Variants in SLAMF9 observed in about 807,000 individuals in gnomAD.
SLAMF9 encodes the protein SLAM family member 9, also known as CD2 family member 10.
In SLAMF9, 25 loss-of-function variants were observed where a neutral mutation model predicts 30.4. The observed-to-expected ratio is 0.82, with a 90% CI of 0.60 to 1.15. SLAMF9 has a LOEUF of 1.15. Ranked by LOEUF, SLAMF9 falls within the 50% of genes most tolerant of loss-of-function variation. The pLI, the probability that SLAMF9 is intolerant of heterozygous loss-of-function variation, is 0.00. For missense variants in SLAMF9, 344 were observed against 346.1 expected, an observed-to-expected ratio of 0.99 and a Z score of 0.05; for synonymous variants, 129 against 127.2, an observed-to-expected ratio of 1.01 and a Z score of -0.09.
chr1:159,978,873 T>C, the SLAMF9 span: 3 of 152,240 alleles, frequency 2.0e-5, no homozygotes, highest in Non-Finnish European at 4.4e-5. Flanking sequence ...TCCCTGGCTT[T>C]CTCCTCTTGC....
At chr1:159,964,578 C>A in the SLAMF9 span, among the ~76,000 whole-genome samples, 1 of 152,148 alleles carries the variant, frequency 6.6e-6, no homozygotes, top group African/African-American at 2.4e-5. Flanking sequence ...TTGTCCAACC[C>A]TTTATTTCAC....
chr1:159,954,064 C>T, intron 1 of SLAMF9, 28 bp downstream of exon 1: 2 of 1,613,780 alleles, frequency 1.2e-6, no homozygotes, highest in East Asian at 4.5e-5. Context: ...GGGGACATTC[C>T]TGTGCACGAG....
chr1:159,979,603 A>T, the SLAMF9 span, among the ~76,000 whole-genome samples: 1 of 152,160 alleles, frequency 6.6e-6, no homozygotes, highest in African/African-American at 2.4e-5. Flanking sequence ...TGACTGGAAG[A>T]GATCTTCATG....
the SLAMF9 span, among the ~76,000 whole-genome samples, chr1:159,976,491 A>G: frequency 6.6e-6 from 1 of 152,200 alleles, no homozygotes; most frequent in South Asian, 2.1e-4. Context: ...CTGGGTAACC[A>G]ACTCATGGGC....
intron 2 of SLAMF9, 28 bp from the exon 3 acceptor site, chr1:159,952,562 T>G: frequency 1.2e-6 from 2 of 1,606,948 alleles, no homozygotes; most frequent in Middle Eastern, 3.3e-4. Flanking sequence ...ACAAAGACCC[T>G]CTAAACAATC....
Position 159,952,267 on chromosome 1 carries a change from T to G in SLAMF9, c.659A>C (p.Tyr220Ser), listed in dbSNP as rs757057363. 1 of 1,613,246 alleles carries G rather than the reference T, an allele frequency of 6.2e-7. No individual in the cohort carries two copies. Among genetic ancestry groups the G allele is most frequent in the East Asian group, 2.2e-5 (1 of 44,806 alleles). ...SSCPIPDGPF[Y>S]ADPNYASEKP... Reference sequence around the variant, plus strand: ...TGTCTCAGGGGTTCTGGTACCTGCATAGAAGGGCCCATCAGGGATGGGGCA... The same window carrying G: ...TGTCTCAGGGGTTCTGGTACCTGCAGAGAAGGGCCCATCAGGGATGGGGCA... Residue 220 changes from tyrosine (Y) to serine (S), a missense_variant, in exon 3 of 4, where the codon TAT becomes TCT. Tyr to Ser is a moderately radical substitution (Grantham distance 144). Coordinates refer to ENST00000368093, the MANE Select transcript of SLAMF9 (RefSeq NM_033438.4).
the SLAMF9 span, among the ~76,000 whole-genome samples, chr1:159,970,571 A>G: frequency 6.6e-6 from 1 of 152,354 alleles, no homozygotes; most frequent in Non-Finnish European, 1.5e-5. Flanking sequence ...CATGGATAGA[A>G]CACTAAAGCA....
chr1:159,976,400 A>T, the SLAMF9 span, among the ~76,000 whole-genome samples: 1 of 152,190 alleles, frequency 6.6e-6, no homozygotes, highest in African/African-American at 2.4e-5. Flanking sequence ...CCATTTGTAT[A>T]TAAAAAGAAA....
chr1:159,973,629 G>A, the SLAMF9 span, among the ~76,000 whole-genome samples: 1 of 152,198 alleles, frequency 6.6e-6, no homozygotes, highest in Non-Finnish European at 1.5e-5. Flanking sequence ...CCATGGTGGG[G>A]AGATGGGGGT....
the SLAMF9 span, chr1:159,973,144 C>T: frequency 6.5e-7 from 1 of 1,540,362 alleles, no homozygotes; most frequent in South Asian, 1.1e-5. Flanking sequence ...AAGGTGTGGC[C>T]ATCCTTGTGG....
chr1:159,963,240 T>C, the SLAMF9 span, among the ~76,000 whole-genome samples: 11 of 152,192 alleles, frequency 7.2e-5, no homozygotes, highest in Admixed American at 2.0e-4. Flanking sequence ...TGGTTAAGCA[T>C]AAAGACAGTG....
upstream of SLAMF9, among the ~76,000 whole-genome samples, chr1:159,958,043 G>A (rs926129301): frequency 6.6e-6 from 1 of 152,202 alleles, no homozygotes; most frequent in African/African-American, 2.4e-5. Context: ...CTCTGGCACC[G>A]ACTGCCCGTT....
At chr1:159,967,580 T>C in the SLAMF9 span, among the ~76,000 whole-genome samples, 2 of 152,214 alleles carry the variant, frequency 1.3e-5, no homozygotes, top group South Asian at 4.1e-4. Flanking sequence ...GTTTTGGCCA[T>C]TTGTGGTCTT....
At chr1:159,960,465 T>A in the SLAMF9 span, among the ~76,000 whole-genome samples, 3 of 150,572 alleles carry the variant, frequency 2.0e-5, no homozygotes, top group Non-Finnish European at 4.4e-5. Context: ...GATGATCTTT[T>A]TTTTTTTTTT....
At position 159,953,632 on chromosome 1, in the gene SLAMF9, C is replaced by G. The variant is rs752283290; in HGVS notation, c.68G>C (p.Arg23Thr). 1 of 1,604,734 alleles carries G rather than the reference C, an allele frequency of 6.2e-7. No individual in the cohort carries two copies. Among genetic ancestry groups the G allele is most frequent in the South Asian group, 1.1e-5 (1 of 90,530 alleles). Residue 23 changes from arginine (R) to threonine (T), a missense_variant, in exon 2 of 4, where the codon AGA becomes ACA. Physicochemically the swap from Arg to Thr is moderately conservative, Grantham distance 71. Transcript: ENST00000368093. ...LQEGSQRRLW[R>T]WCGSEEVVAV... ...AACCACTTCCTCGGATCCACACCAT[C>G]TCCAGAGTCTCCTTTGGCTGCCTAT...
chr1:159,953,450 C>A lies in SLAMF9; in HGVS notation c.250G>T (p.Gly84Cys), dbSNP rs1330351541. 12 of 1,614,136 alleles carry A rather than the reference C, an allele frequency of 7.4e-6. No individual in the cohort carries two copies. Among genetic ancestry groups the A allele is most frequent in the Non-Finnish European group, 9.3e-6 (11 of 1,180,028 alleles). Reference sequence around the variant, plus strand: ...CTGGGGTCCAGGAAGCTCACTTGGCCCTGGTAGTGTGGATTGGTCACCATG... The same window carrying A: ...CTGGGGTCCAGGAAGCTCACTTGGCACTGGTAGTGTGGATTGGTCACCATG... Reference protein sequence around the residue: ...TIMVTNPHYQGQVSFLDPSYS... With the variant: ...TIMVTNPHYQCQVSFLDPSYS... Residue 84 changes from glycine (G) to cysteine (C), a missense_variant, in exon 2 of 4, where the codon GGC becomes TGC. By Grantham distance (159) the Gly-to-Cys change is radical (BLOSUM62 -3). Transcript: ENST00000368093.
the SLAMF9 span, among the ~76,000 whole-genome samples, chr1:159,966,581 A>G: frequency 1.3e-5 from 2 of 152,172 alleles, no homozygotes; most frequent in Non-Finnish European, 2.9e-5. Flanking sequence ...ACTCCTACTA[A>G]CAGTGTACAA....
At chr1:159,979,232 G>T in the SLAMF9 span, among the ~76,000 whole-genome samples, 1 of 152,184 alleles carries the variant, frequency 6.6e-6, no homozygotes, top group Admixed American at 6.5e-5. Flanking sequence ...GGTACGGTTT[G>T]AGTTGTTTTG....
chr1:159,953,648 G>GGCT lies in SLAMF9; in HGVS notation c.49_51dup (p.Ser17dup). 6.3e-7 allele frequency: 1 copy of GGCT among 1,596,928 alleles called. No individual in the cohort carries two copies. On this transcript the variant is annotated inframe_insertion, in exon 2 of 4. Transcript: ENST00000368093. ...CCACACCATCTCCAGAGTCTCCTTT[G>GGCT]GCTGCCTATGCAGGAAGAAAAGAGA...
Sources: gnomAD v4.1 joint callset for allele counts (sites outside exome capture counted in the v4.1 genomes callset) on GRCh38, gnomAD v4.1.1 for gene constraint, MANE v1.5 for transcripts, NCBI Gene and HGNC (gene_info 2026-07-23, HGNC 2026-07-21) for gene names.